The following CFP variants were observed in gnomAD, a reference collection of about 807,000 sequenced individuals.
CFP encodes properdin.
A neutral mutation model predicts 42.1 loss-of-function variants in CFP; 14 were observed. The observed-to-expected ratio is 0.33, with a 90% confidence interval of 0.22 to 0.52. CFP has a LOEUF of 0.52. Among genes scored for constraint, CFP ranks in the 20% least tolerant of loss-of-function variants. The pLI is 0.96. For synonymous variants in CFP, 149 were observed against 160.6 expected (o/e 0.93, Z 0.54); for missense variants, 318 against 400.4 (o/e 0.79, Z 1.76).
Position 47,626,852 on chromosome X carries a change from A to G in CFP, c.861T>C (p.Pro287=). The change falls in exon 6 of 9, where the codon CCT becomes CCC. Residue 287 remains proline (P), a synonymous_variant. Transcript: ENST00000396992. ...QTMEQRTCNH[P]VPQHGGPFCA... ...AGAAGGGGCCCCCATGCTGGGGCAC[A>G]GGGTGATTGCACGTCCGTTGTTCCA... 2.5e-6 allele frequency: 3 copies of G among 1,209,958 alleles called. No individual in the cohort carries two copies. The highest frequency in any genetic ancestry group is 3.4e-6 in the Non-Finnish European group (3 of 894,371).
rs1304113900 is a variant in CFP, at chrX:47,627,115, A to G, written c.766+26T>C. On this transcript the variant is annotated intron_variant, in intron 5 of 8. Coordinates refer to ENST00000396992, the MANE Select transcript of CFP (RefSeq NM_001145252.3). Reference sequence around the variant, plus strand: ...CCCTCAATCAAGAGCCCCACCAGCAACATCAGCAGCCTCATCCTGGTGTAC... The same window carrying G: ...CCCTCAATCAAGAGCCCCACCAGCAGCATCAGCAGCCTCATCCTGGTGTAC... The G allele has an allele frequency of 4.1e-6, 5 of 1,207,769 alleles. No homozygotes were observed. The African/African-American group carries it at 6.9e-5, about 17-fold the overall frequency.
intron 8 of CFP, chrX:47,625,187 T>G (rs1188024700): frequency 2.7e-5 from 3 of 111,323 alleles, no homozygotes; most frequent in Non-Finnish European, 5.6e-5. Flanking sequence ...CCATCCCAGT[T>G]CTCTCAATTG....
Position 47,629,606 on chromosome X carries a change from C to A in CFP, c.145G>T (p.Gly49Cys). Residue 49 changes from glycine to cysteine, a missense_variant, in exon 2 of 9, where the codon GGT becomes TGT. Gly to Cys is a radical substitution (Grantham distance 159, BLOSUM62 -3). Coordinates refer to ENST00000396992, the MANE Select transcript of CFP (RefSeq NM_001145252.3). ...CAGCAGTCTTCCACGCTGACACCAC[C>A]CCCCAGGAGGCCCTTGCACTTGCCG... ...SSGKCKGLLGGGVSVEDCCLN... is the reference protein window; with the variant it reads ...SSGKCKGLLGCGVSVEDCCLN... 1 of 1,173,119 alleles carries A rather than the reference C, an allele frequency of 8.5e-7. No homozygotes were observed.
At position 47,629,756 on chromosome X, in the gene CFP, C is replaced by A; in HGVS notation, c.76+13G>T. ...GGACACCCCTGGGGCCAGCTGGGCC[C>A]TCACCCCCTCACCTGTGGCTGGCAG... is the stretch of plus-strand genomic sequence containing the variant. On this transcript the variant is annotated intron_variant, in intron 1 of 8. Transcript: ENST00000396992. 8.6e-7 allele frequency: 1 copy of A among 1,168,329 alleles called. No individual in the cohort carries two copies. Among genetic ancestry groups the A allele is most frequent in the Admixed American group, 2.6e-5 (1 of 39,004 alleles).
chrX:47,627,855 C>T (rs1603084357), intron 3 of CFP, among the ~76,000 whole-genome samples: 1 of 111,741 alleles, frequency 8.9e-6, no homozygotes, highest in East Asian at 2.8e-4. Context: ...TGTTCTCCTC[C>T]CAACCCCAGT....
intron 3 of CFP, 108 bp from the exon 4 acceptor site, chrX:47,627,749 A>G (rs2057975282): frequency 2.7e-5 from 23 of 857,024 alleles, no homozygotes; most frequent in Non-Finnish European, 3.5e-5. Context: ...ATCCTCTGCC[A>G]CCATTCTGGG....
rs917884998 is a variant in CFP, at chrX:47,628,012, G to A, written c.403+90C>T. ...TCCTTAGGTCCTTACAAACACTGGG[G>A]ACGGGCCCACTCTGAGGACCTCTGT... is the stretch of plus-strand genomic sequence containing the variant. On this transcript the variant is annotated intron_variant, in intron 3 of 8. Transcript: ENST00000396992. The A allele has an allele frequency of 5.7e-6, 6 of 1,047,930 alleles. No homozygotes were observed. In the African/African-American group the frequency reaches 9.3e-5, roughly 16 times the overall value. 86.4% of individuals were successfully genotyped at this position (1,047,930 alleles called of 1,213,427 possible). A position where few individuals can be genotyped will look rare whatever the true frequency, so the allele number is the denominator to read the frequency against.
chrX:47,629,737 C>T (rs1461024325), intron 1 of CFP, 32 bp downstream of exon 1: 1 of 1,166,956 alleles, frequency 8.6e-7, no homozygotes, highest in Non-Finnish European at 1.1e-6. Flanking sequence ...GCCTGGACAC[C>T]CCTGGGGCCA....
chrX:47,623,849 T>G lies in CFP; in HGVS notation c.*426A>C. 1.3e-5 allele frequency: 2 copies of G among 150,037 alleles called. No homozygotes were observed. The highest frequency in any genetic ancestry group is 1.4e-4 in the South Asian group (1 of 6,956). The allele number at this position is 150,037 out of a possible 1,213,427, so 12.4% of individuals were successfully genotyped here. On this transcript the variant is annotated 3_prime_UTR_variant, in exon 9 of 9. Coordinates refer to ENST00000396992, the MANE Select transcript of CFP (RefSeq NM_001145252.3). ...TCCGGCTGGTGGGAATCTAGGGAGG[T>G]CCAGGAGACGGGGAGACAACGAACA... is the stretch of plus-strand genomic sequence containing the variant.
rs8177068 is a variant in CFP, at chrX:47,629,594, C to T, written c.157G>A (p.Val53Met). ...CKGLLGGGVS[V>M]EDCCLNTAFA... ...GCAGTGTTGAGACAGCAGTCTTCCA[C>T]GCTGACACCACCCCCCAGGAGGCCC... The change falls in exon 2 of 9, where the codon GTG becomes ATG. Residue 53 changes from valine (V) to methionine (M), a missense_variant. Transcript: ENST00000396992. 530 of 1,167,272 alleles carry T rather than the reference C, an allele frequency of 4.5e-4. No homozygotes were observed. The African/African-American group carries it at 8.1e-3, about 18-fold the overall frequency.
rs1054420139 is a variant in CFP, at chrX:47,626,405, C to T, written c.1055G>A (p.Gly352Asp). 8.3e-7 allele frequency: 1 copy of T among 1,211,721 alleles called. No homozygotes were observed. Among genetic ancestry groups the T allele is most frequent in the Non-Finnish European group, 1.1e-6 (1 of 895,444 alleles). ...ACATCGATGTCCGTCAAACTTGCGG[C>T]CCCTGCAGGTCCTCCCGCGTGACTG... ...GQQSRGRTCR[G>D]RKFDGHRCAG... is the part of the protein sequence containing the mutation. The change falls in exon 7 of 9, where the codon GGC becomes GAC. Residue 352 changes from glycine to aspartate, a missense_variant. By Grantham distance (94) the Gly-to-Asp change is moderately conservative. Coordinates refer to ENST00000396992, the MANE Select transcript of CFP (RefSeq NM_001145252.3).
At chrX:47,625,999 G>T (rs900480723) in intron 8 of CFP, 59 bp downstream of exon 8, 23 of 1,001,871 alleles carry the variant, frequency 2.3e-5, no homozygotes, top group Non-Finnish European at 3.2e-5. Flanking sequence ...TGGGGTAGCC[G>T]ACTCTCCCGC....
intron 5 of CFP, 37 bp from the exon 6 acceptor site, chrX:47,626,983 C>T: frequency 1.7e-6 from 2 of 1,160,468 alleles, no homozygotes; most frequent in Non-Finnish European, 2.3e-6. Context: ...AGAAAGGCCT[C>T]CTCAATCCTT....
At chrX:47,626,199 A>G (rs1283707994) in intron 7 of CFP, 30 bp from the exon 8 acceptor site, 6 of 1,135,791 alleles carry the variant, frequency 5.3e-6, no homozygotes, top group Non-Finnish European at 5.9e-6. Flanking sequence ...TCACAGAGTC[A>G]GAACTGGAGG....
chrX:47,623,906 G>C lies in CFP; in HGVS notation c.*369C>G, dbSNP rs951161861. On this transcript the variant is annotated 3_prime_UTR_variant, in exon 9 of 9. Transcript: ENST00000396992. Reference sequence around the variant, plus strand: ...CCGGCCAATCAAGAAGTGCCTGCCAGGACAAGTAGCCAATCAGGAAACCCG... The same window carrying C: ...CCGGCCAATCAAGAAGTGCCTGCCACGACAAGTAGCCAATCAGGAAACCCG... 3 of 187,343 alleles carry C rather than the reference G, an allele frequency of 1.6e-5. No individual in the cohort carries two copies. The highest frequency in any genetic ancestry group is 1.4e-4 in the East Asian group (1 of 7,281). 15.4% of individuals were successfully genotyped at this position (187,343 alleles called of 1,213,427 possible).
At position 47,627,154 on chromosome X, in the gene CFP, CA is replaced by C; in HGVS notation, c.752del (p.Leu251ArgfsTer16). The C allele has an allele frequency of 8.3e-7, 1 of 1,211,687 alleles. No homozygotes were observed. The highest frequency in any genetic ancestry group is 1.1e-6 in the Non-Finnish European group (1 of 895,291). On this transcript the variant is annotated frameshift_variant, in exon 5 of 9. Transcript: ENST00000396992. LOFTEE classifies it high-confidence loss of function. ...ATCCTGGTGTACCTGGGCAGGGTGG[CA>C]GGCCGGTGCACCTCCGCTGCTCGTA... ...LAYEQRRCTGLPPCPVAGGWG... is the reference protein window; with the variant it reads ...LAYEQRRCTGXPPCPVAGGWG...
At position 47,626,161 on chromosome X, in the gene CFP, A is replaced by C. The variant is rs777202205; in HGVS notation, c.1141T>G (p.Ser381Ala). Residue 381 changes from serine to alanine, a missense_variant, in exon 8 of 9, where the codon TCA (serine) becomes GCA (alanine). By Grantham distance (99) the Ser-to-Ala change is moderately conservative (BLOSUM62 1). Transcript: ENST00000396992. ...YSIQHCPLKG[S>A]WSEWSTWGLC... ...CCCCAGGTACTCCACTCTGACCATG[A>C]TCCTTTCACTGCAATGAGGGGTAGG... 2.6e-6 allele frequency: 3 copies of C among 1,168,713 alleles called. No individual in the cohort carries two copies. Among genetic ancestry groups the C allele is most frequent in the Non-Finnish European group, 3.4e-6 (3 of 871,318 alleles).
rs1036390611 is a variant in CFP at position 47,627,126 on chromosome X, C to T, written c.766+15G>A. On this transcript the variant is annotated intron_variant, in intron 5 of 8. Transcript: ENST00000396992. The stretch of plus-strand genomic sequence containing the variant: ...GAGCCCCACCAGCAACATCAGCAGC[C>T]TCATCCTGGTGTACCTGGGCAGGGT... 4.1e-6 allele frequency: 5 copies of T among 1,210,633 alleles called. No individual in the cohort carries two copies. Among genetic ancestry groups the T allele is most frequent in the Non-Finnish European group, 5.6e-6 (5 of 894,382 alleles).
intron 2 of CFP, chrX:47,629,066 A>C (rs1603084979): frequency 6.3e-6 from 1 of 158,040 alleles, no homozygotes; most frequent in East Asian, 1.6e-4. Flanking sequence ...CATATACAGT[A>C]AGCACTCAAT....
Sources: allele counts gnomAD v4.1 joint callset (sites outside exome capture counted in the v4.1 genomes callset), GRCh38; gene constraint gnomAD v4.1.1; transcripts MANE v1.5; gene names NCBI Gene and HGNC (gene_info 2026-07-23, HGNC 2026-07-21).